Variants in TBC1D32 observed in about 807,000 individuals in gnomAD.
TBC1D32 encodes the protein TBC1 domain family member 32, also known as protein broad-minded.
In TBC1D32, 151 loss-of-function variants were observed where a neutral mutation model predicts 170.3. The observed-to-expected ratio is 0.89, with a 90% CI of 0.78 to 1.01. The LOEUF is 1.01. Ranked by LOEUF, TBC1D32 falls within the 50% of genes least tolerant of loss-of-function variation. TBC1D32 has a pLI of 0.00. For missense variants in TBC1D32, 1,464 were observed against 1,457.1 expected (o/e 1.00, Z -0.08); for synonymous variants, 498 against 488.0 (o/e 1.02, Z -0.27).
At chr6:121,149,730 TGCTATACGG>T (rs1439913584) in intron 24 of TBC1D32, among the ~76,000 whole-genome samples, 1 of 152,154 alleles carries the variant, frequency 6.6e-6, no homozygotes, top group African/African-American at 2.4e-5. Context: ...GAATTGTCTT[TGCTATACGG>T]GCTCTCTATC....
intron 10 of TBC1D32, among the ~76,000 whole-genome samples, chr6:121,295,289 C>CAAAAAAAAAAAAAAA (rs60783883): frequency 9.2e-6 from 1 of 108,578 alleles, no homozygotes; most frequent in Admixed American, 9.9e-5. Context: ...ATCCTAATTC[C>CAAAAAAAAAAAAAAA]AAAAAAAAAA....
intron 26 of TBC1D32, among the ~76,000 whole-genome samples, chr6:121,120,311 A>G (rs1214350614): frequency 6.6e-6 from 1 of 152,088 alleles, no homozygotes; most frequent in African/African-American, 2.4e-5. Flanking sequence ...ATTTAGAAAC[A>G]TAACAGAGGG....
chr6:121,113,327 T>C, intron 27 of TBC1D32, 150 bp from the exon 28 acceptor site: 1 of 510,328 alleles, frequency 2.0e-6, no homozygotes, highest in Non-Finnish European at 3.5e-6. Context: ...ATATTTGGAT[T>C]AACAGTATTC....
rs184244771 is a variant in TBC1D32 at position 121,241,580 on chromosome 6, G to A, written c.2158-28C>T. 3.8e-5 allele frequency: 60 copies of A among 1,579,768 alleles called. No homozygotes were observed. The African/African-American group carries it at 7.1e-4, about 19-fold the overall frequency. On this transcript the variant is annotated intron_variant, in intron 18 of 31. Transcript: ENST00000398212. ...AACAGCATAAATAAGGAACAGCAAT[G>A]AAAAGCAACAAAACATGGCATGCTA... is the stretch of plus-strand genomic sequence containing the variant.
At chr6:121,148,147 C>G (rs1300655844) in intron 24 of TBC1D32, among the ~76,000 whole-genome samples, 1 of 151,970 alleles carries the variant, frequency 6.6e-6, no homozygotes, top group Non-Finnish European at 1.5e-5. Flanking sequence ...CCTCCCAACC[C>G]CCGACAGGCC....
At chr6:121,172,965 C>G (rs1349704567) in intron 22 of TBC1D32, among the ~76,000 whole-genome samples, 1 of 152,082 alleles carries the variant, frequency 6.6e-6, no homozygotes, top group Admixed American at 6.6e-5. Flanking sequence ...TGAGCTCACA[C>G]TGACGAAGGG....
chr6:121,241,758 G>C (rs1797009456), intron 18 of TBC1D32, among the ~76,000 whole-genome samples: 1 of 152,050 alleles, frequency 6.6e-6, no homozygotes, highest in Admixed American at 6.6e-5. Flanking sequence ...TTTGACCTTT[G>C]ACTGTTAAAG....
chr6:121,117,595 G>A (rs1296273537), intron 26 of TBC1D32, among the ~76,000 whole-genome samples: 1 of 152,050 alleles, frequency 6.6e-6, no homozygotes, highest in African/African-American at 2.4e-5. Flanking sequence ...CCAGATGCTT[G>A]GGAGGCTGAA....
intron 30 of TBC1D32, among the ~76,000 whole-genome samples, chr6:121,101,765 G>C (rs1397599397): frequency 6.6e-6 from 1 of 152,068 alleles, no homozygotes; most frequent in Non-Finnish European, 1.5e-5. Flanking sequence ...AAGAAATAAA[G>C]GGTATTCAAT....
chr6:121,310,802 A>G lies in TBC1D32; in HGVS notation c.541T>C (p.Leu181=). The G allele has an allele frequency of 1.3e-6, 2 of 1,573,438 alleles. No individual in the cohort carries two copies. The highest frequency in any genetic ancestry group is 1.7e-6 in the Non-Finnish European group (2 of 1,154,972). Residue 181 remains leucine (L), a synonymous_variant, in exon 4 of 32, where the codon TTG becomes CTG. Coordinates refer to ENST00000398212, the MANE Select transcript of TBC1D32 (RefSeq NM_152730.6). ...ACCTCTTTAGGTTGCCCAGGATCCA[A>G]CTGGTCTAAAATCAATTGTAATTTT... is the stretch of plus-strand genomic sequence containing the variant. ...QGKLQLILDQ[L]DPGQPKEVRY...
chr6:121,095,475 T>C (rs1251757226), intron 30 of TBC1D32, among the ~76,000 whole-genome samples: 1 of 152,188 alleles, frequency 6.6e-6, no homozygotes, highest in Non-Finnish European at 1.5e-5. Context: ...CTATGTTGAA[T>C]AGGAGTGGTG....
Position 121,316,873 on chromosome 6 carries a change from T to A in TBC1D32, c.495+622A>T, listed in dbSNP as rs534299151. The stretch of plus-strand genomic sequence containing the variant: ...TCGACACCAGGGTCAGACAGGCTTC[T>A]TTTGGCCTGATAGCCTCTGTGTACA... On this transcript the variant is annotated intron_variant, in intron 3 of 31. Coordinates refer to ENST00000398212, the MANE Select transcript of TBC1D32 (RefSeq NM_152730.6). Among the ~76,000 whole-genome samples the A allele has an allele frequency of 8.9e-4, 136 of 152,244 alleles. 2 individuals carry two copies. The highest frequency in any genetic ancestry group is 3.2e-3 in the African/African-American group (131 of 41,548).
chr6:121,180,272 C>T (rs1788334077), intron 22 of TBC1D32, among the ~76,000 whole-genome samples: 1 of 152,054 alleles, frequency 6.6e-6, no homozygotes, highest in Admixed American at 6.6e-5. Context: ...CTAAAAATAG[C>T]TGAGATATTT....
At chr6:121,171,216 C>T (rs1319896975) in intron 22 of TBC1D32, among the ~76,000 whole-genome samples, 1 of 150,588 alleles carries the variant, frequency 6.6e-6, no homozygotes, top group Non-Finnish European at 1.5e-5. Context: ...AACAGTCAAC[C>T]AAATTCAGAG....
At chr6:121,208,682 T>C (rs947507786) in intron 21 of TBC1D32, among the ~76,000 whole-genome samples, 7 of 109,760 alleles carry the variant, frequency 6.4e-5, no homozygotes, top group Admixed American at 1.2e-4. Context: ...CATGTAAAGA[T>C]AGAGGCACAA....
intron 1 of TBC1D32, among the ~76,000 whole-genome samples, chr6:121,330,198 T>C (rs1002267795): frequency 3.3e-5 from 5 of 152,160 alleles, no homozygotes; most frequent in African/African-American, 1.2e-4. Context: ...TGCACCCAAC[T>C]AATTTTTATA....
chr6:121,331,714 G>C (rs926175234), intron 1 of TBC1D32, among the ~76,000 whole-genome samples: 1 of 152,098 alleles, frequency 6.6e-6, no homozygotes, highest in African/African-American at 2.4e-5. Flanking sequence ...GAAAGAAAAA[G>C]AAATGGAAAT....
At chr6:121,100,008 A>G (rs1432255539) in intron 30 of TBC1D32, among the ~76,000 whole-genome samples, 1 of 151,770 alleles carries the variant, frequency 6.6e-6, no homozygotes, top group Non-Finnish European at 1.5e-5. Context: ...TTTAAATTAA[A>G]GAGTATATGG....
intron 14 of TBC1D32, among the ~76,000 whole-genome samples, chr6:121,280,741 G>A (rs1802876317): frequency 2.0e-5 from 3 of 151,806 alleles, no homozygotes; most frequent in Admixed American, 2.0e-4. Flanking sequence ...TTAGGGGACA[G>A]AAAACTTGGC....
Sources: gnomAD v4.1 joint callset for allele counts (sites outside exome capture counted in the v4.1 genomes callset) on GRCh38, gnomAD v4.1.1 for gene constraint, MANE v1.5 for transcripts, NCBI Gene and HGNC (gene_info 2026-07-23, HGNC 2026-07-21) for gene names.